Variants in GALNT10 observed in about 807,000 individuals in gnomAD.
GALNT10 encodes polypeptide N-acetylgalactosaminyltransferase 10.
In GALNT10, 41 loss-of-function variants were observed where a neutral mutation model predicts 75.0. That is an observed-to-expected ratio of 0.55 (90% CI 0.43 to 0.71). The LOEUF (loss-of-function observed/expected upper bound fraction) is 0.71. Ranked by LOEUF, GALNT10 falls within the 30% of genes least tolerant of loss-of-function variation. The pLI is 0.00. For synonymous variants in GALNT10, 302 were observed against 313.0 expected (o/e 0.96, Z 0.37); for missense variants, 727 against 818.5 (o/e 0.89, Z 1.36).
At chr5:154,401,972 C>T (rs1756176185) in intron 7 of GALNT10, among the ~76,000 whole-genome samples, 1 of 152,180 alleles carries the variant, frequency 6.6e-6, no homozygotes, top group Non-Finnish European at 1.5e-5. Context: ...CTGAATCCAG[C>T]TGTGTCCCCC....
At chr5:154,363,535 TAAC>T (rs145446636) in intron 4 of GALNT10, among the ~76,000 whole-genome samples, 12,852 of 125,976 alleles carry the variant, frequency 0.1, 757 homozygotes, top group Middle Eastern at 0.17. Context: ...TCCAAACATC[TAAC>T]AACAATGACA....
chr5:154,278,113 A>C (rs1561648150), intron 1 of GALNT10, among the ~76,000 whole-genome samples: 2 of 152,252 alleles, frequency 1.3e-5, no homozygotes, highest in African/African-American at 4.8e-5. Context: ...GGAAAATGTT[A>C]ACATAAACTT....
rs1755232543 is a variant in GALNT10 at position 154,352,958 on chromosome 5, T to C, written c.568+23220T>C. Among the ~76,000 whole-genome samples, 1 of 152,060 alleles carries C rather than the reference T, an allele frequency of 6.6e-6. No homozygotes were observed. Among genetic ancestry groups the C allele is most frequent in the Non-Finnish European group, 1.5e-5 (1 of 68,024 alleles). ...TCTCAAGCTCTGTGTCATCCGAAGG[T>C]GAACTTGGATCCAGGAATCCTCACC... On this transcript the variant is annotated intron_variant, in intron 4 of 11. Coordinates refer to ENST00000297107, the MANE Select transcript of GALNT10 (RefSeq NM_198321.4). The surrounding 1 kb of genome is among the most constrained non-coding windows in gnomAD (Gnocchi z 4.4).
chr5:154,363,429 T>G (rs1322785760), intron 4 of GALNT10, among the ~76,000 whole-genome samples: 1 of 150,016 alleles, frequency 6.7e-6, no homozygotes, highest in Admixed American at 6.7e-5. Context: ...GGTGTGTCTT[T>G]CCCTGCAGGA....
chr5:154,411,498 G>A (rs1756397439), intron 9 of GALNT10, among the ~76,000 whole-genome samples: 1 of 152,238 alleles, frequency 6.6e-6, no homozygotes. Flanking sequence ...GCTGGCCACA[G>A]GGCGCGTGAG....
intron 7 of GALNT10, among the ~76,000 whole-genome samples, chr5:154,394,713 G>A (rs1755980844): frequency 6.6e-6 from 1 of 152,188 alleles, no homozygotes; most frequent in Admixed American, 6.5e-5. Flanking sequence ...AGCACCAGAA[G>A]GATATCCAGG....
intron 1 of GALNT10, among the ~76,000 whole-genome samples, chr5:154,209,809 GA>G (rs1272423840): frequency 2.6e-5 from 4 of 152,174 alleles, no homozygotes; most frequent in Non-Finnish European, 4.4e-5. Flanking sequence ...ACTGGCAGAA[GA>G]GTCTTTCTGA....
chr5:154,390,698 C>A (rs1420854529), intron 7 of GALNT10, among the ~76,000 whole-genome samples: 1 of 152,162 alleles, frequency 6.6e-6, no homozygotes, highest in Admixed American at 6.5e-5. Flanking sequence ...CTCTAGAAGA[C>A]CCTCTTCAGA....
intron 1 of GALNT10, among the ~76,000 whole-genome samples, chr5:154,258,694 C>G (rs1041679668): frequency 9.9e-5 from 15 of 152,102 alleles, no homozygotes; most frequent in African/African-American, 3.6e-4. Context: ...ATTCTTATTT[C>G]CTGCTCTTTG....
chr5:154,194,280 A>G (rs1774902237), intron 1 of GALNT10, among the ~76,000 whole-genome samples: 4 of 151,164 alleles, frequency 2.6e-5, no homozygotes, highest in Admixed American at 2.6e-4. Flanking sequence ...TTATTCTTAG[A>G]ACATCCAGAA....
chr5:154,393,067 A>C (rs200550003), intron 7 of GALNT10: 1 of 116,558 alleles, frequency 8.6e-6, no homozygotes, highest in Non-Finnish European at 1.7e-5. Flanking sequence ...CAAAAAAAAA[A>C]AAAAAAAAAA....
chr5:154,224,741 C>A (rs1338020234), intron 1 of GALNT10, among the ~76,000 whole-genome samples: 1 of 148,560 alleles, frequency 6.7e-6, no homozygotes, highest in Non-Finnish European at 1.5e-5. Flanking sequence ...ATACAGTGGA[C>A]AACAGAACAC....
chr5:154,245,152 T>A (rs1451759704), intron 1 of GALNT10, among the ~76,000 whole-genome samples: 1 of 152,128 alleles, frequency 6.6e-6, no homozygotes, highest in African/African-American at 2.4e-5. Context: ...TGTTGAAGAC[T>A]TGTGTGGTGA....
At chr5:154,370,731 T>C (rs1023644434) in intron 4 of GALNT10, among the ~76,000 whole-genome samples, 2 of 152,102 alleles carry the variant, frequency 1.3e-5, no homozygotes, top group Non-Finnish European at 2.9e-5. Context: ...GGGGAAGCCA[T>C]TGAAGGGTTT....
chr5:154,407,637 G>T (rs1238840734), intron 8 of GALNT10, among the ~76,000 whole-genome samples: 1 of 152,192 alleles, frequency 6.6e-6, no homozygotes. Flanking sequence ...AGCCAAAAGA[G>T]CCTGGTGGAC....
At chr5:154,385,501 T>C (rs1755795929) in intron 6 of GALNT10, among the ~76,000 whole-genome samples, 1 of 152,086 alleles carries the variant, frequency 6.6e-6, no homozygotes, top group Non-Finnish European at 1.5e-5. Flanking sequence ...CCAGCCATCC[T>C]CCTTACCCCA....
At chr5:154,246,381 C>T (rs1164099595) in intron 1 of GALNT10, among the ~76,000 whole-genome samples, 1 of 152,202 alleles carries the variant, frequency 6.6e-6, no homozygotes, top group Non-Finnish European at 1.5e-5. Flanking sequence ...GAGGAATCGC[C>T]ACACTGTCTT....
At chr5:154,203,204 C>T (rs1333609357) in intron 1 of GALNT10, among the ~76,000 whole-genome samples, 2 of 152,162 alleles carry the variant, frequency 1.3e-5, no homozygotes, top group Non-Finnish European at 2.9e-5. Context: ...CTCCTATTCT[C>T]AGGCCTCTCC....
intron 8 of GALNT10, among the ~76,000 whole-genome samples, chr5:154,408,655 A>G (rs1756332602): frequency 6.6e-6 from 1 of 151,854 alleles, no homozygotes; most frequent in African/African-American, 2.4e-5. Context: ...TTTAAAACTG[A>G]TTATCTTTGT....
Sources: allele counts gnomAD v4.1 joint callset (sites outside exome capture counted in the v4.1 genomes callset), GRCh38; gene constraint gnomAD v4.1.1; non-coding constraint Gnocchi (gnomAD v3.1); transcripts MANE v1.5; gene names NCBI Gene and HGNC (gene_info 2026-07-23, HGNC 2026-07-21).